NRXN3: variants seen among roughly 807,000 people sequenced by gnomAD.
NRXN3 encodes the protein neurexin 3, also known as neurexin III.
NRXN3 carries 32 observed loss-of-function variants against 137.6 expected under a neutral mutation model. That is an observed-to-expected ratio of 0.23 (90% confidence interval 0.18 to 0.31). The LOEUF (loss-of-function observed/expected upper bound fraction) is 0.31, where lower values mean the gene tolerates loss of function less well. Ranked by LOEUF, NRXN3 falls within the 10% of genes least tolerant of loss-of-function variation. The probability of loss-of-function intolerance (pLI) is 1.00; values close to 1 mark genes in which losing one functional copy is unlikely to be tolerated. For synonymous variants in NRXN3, 798 were observed against 784.5 expected, an observed-to-expected ratio of 1.02 and a Z score of -0.29; for missense variants, 1,574 against 2,062.5, an observed-to-expected ratio of 0.76 and a Z score of 4.59.
intron 10 of NRXN3, among the ~76,000 whole-genome samples, chr14:78,929,492 A>T (rs891208533): frequency 6.6e-6 from 1 of 152,202 alleles, no homozygotes; most frequent in African/African-American, 2.4e-5. Context: ...TTTGCTAAGG[A>T]TAATGGCCTC....
At chr14:79,377,991 T>C (rs2094354545) in intron 15 of NRXN3, among the ~76,000 whole-genome samples, 1 of 152,136 alleles carries the variant, frequency 6.6e-6, no homozygotes, top group Non-Finnish European at 1.5e-5. Context: ...CTTGAGTGGG[T>C]GCTTGATAGA....
intron 8 of NRXN3, among the ~76,000 whole-genome samples, chr14:78,729,455 T>C (rs1374670826): frequency 1.3e-5 from 2 of 152,144 alleles, no homozygotes; most frequent in South Asian, 2.1e-4. Context: ...GAGAAATACA[T>C]TGGGATGGAA....
chr14:79,511,113 A>C (rs999662876), intron 16 of NRXN3, among the ~76,000 whole-genome samples: 1 of 152,204 alleles, frequency 6.6e-6, no homozygotes, highest in African/African-American at 2.4e-5. Context: ...GACAAACAGG[A>C]AAAACGGACC....
intron 4 of NRXN3, among the ~76,000 whole-genome samples, chr14:78,486,928 C>T (rs1366685231): frequency 3.3e-5 from 5 of 152,094 alleles, no homozygotes; most frequent in Non-Finnish European, 7.4e-5. Flanking sequence ...GTGTGCAGAC[C>T]TCAAGATTAC....
At chr14:78,745,062 A>G (rs2098600945) in intron 8 of NRXN3, 1 of 152,258 alleles carries the variant, frequency 6.6e-6, no homozygotes, top group African/African-American at 2.4e-5. Context: ...TTACTAATGT[A>G]GAATAAGAAA....
At chr14:79,721,589 A>G (rs2098844854) in intron 19 of NRXN3, among the ~76,000 whole-genome samples, 1 of 152,146 alleles carries the variant, frequency 6.6e-6, no homozygotes, top group African/African-American at 2.4e-5. Flanking sequence ...TGACTTCGGA[A>G]AAAAGATTAA....
intron 15 of NRXN3, among the ~76,000 whole-genome samples, chr14:79,119,041 C>T (rs1042093299): frequency 6.6e-6 from 1 of 152,138 alleles, no homozygotes; most frequent in Non-Finnish European, 1.5e-5. Context: ...AAGACCAAAA[C>T]TTTTAAAACC....
rs144301088 is a variant in NRXN3, at chr14:78,800,653, A to G, written c.2045-2967A>G. On this transcript the variant is annotated intron_variant, in intron 8 of 20. Coordinates refer to ENST00000335750, the MANE Select transcript of NRXN3 (RefSeq NM_001330195.2). Reference sequence around the variant, plus strand: ...GATGGCTGATTTTCAGGACTATCATAAGTGCATTTATATTACTTTTCATCT... The same window carrying G: ...GATGGCTGATTTTCAGGACTATCATGAGTGCATTTATATTACTTTTCATCT... 5.9e-5 allele frequency among the ~76,000 whole-genome samples: 9 copies of G among 152,306 alleles called. No homozygotes were observed. The East Asian group carries it at 1.2e-3, about 20-fold the overall frequency.
intron 8 of NRXN3, among the ~76,000 whole-genome samples, chr14:78,734,191 C>T (rs181398557): frequency 5.2e-4 from 77 of 146,680 alleles, no homozygotes; most frequent in African/African-American, 1.6e-3. Context: ...GCCAAACACA[C>T]GTATCTGCAT....
At chr14:78,736,323 G>T (rs1337757391) in intron 8 of NRXN3, among the ~76,000 whole-genome samples, 1 of 152,082 alleles carries the variant, frequency 6.6e-6, no homozygotes, top group Non-Finnish European at 1.5e-5. Flanking sequence ...AGGCAGAATT[G>T]GTTTGAAAGC....
chr14:78,542,115 G>C (rs2096595540), intron 4 of NRXN3, among the ~76,000 whole-genome samples: 1 of 152,228 alleles, frequency 6.6e-6, no homozygotes, highest in African/African-American at 2.4e-5. Flanking sequence ...TCCCAGTTAG[G>C]CTACACGGGG....
chr14:78,434,463 A>T (rs567876612), intron 4 of NRXN3, among the ~76,000 whole-genome samples: 311 of 152,274 alleles, frequency 2.0e-3, no homozygotes, highest in African/African-American at 7.2e-3. Flanking sequence ...ATCTGTTACC[A>T]TGTTTCCAAG....
chr14:78,582,022 A>G (rs2097003598), intron 4 of NRXN3, among the ~76,000 whole-genome samples: 1 of 152,194 alleles, frequency 6.6e-6, no homozygotes, highest in Non-Finnish European at 1.5e-5. Context: ...TAATTTTCGC[A>G]TCATCCTGCT....
chr14:78,556,775 CCATCAAGAAAT>C (rs796567288), intron 4 of NRXN3, among the ~76,000 whole-genome samples: 11 of 152,130 alleles, frequency 7.2e-5, no homozygotes, highest in African/African-American at 2.6e-4. Context: ...TTTTTGTAGA[CCATCAAGAAAT>C]AGCATTGTGA....
intron 16 of NRXN3, among the ~76,000 whole-genome samples, chr14:79,574,055 A>T (rs2097641005): frequency 6.6e-6 from 1 of 152,154 alleles, no homozygotes; most frequent in Admixed American, 6.5e-5. Context: ...AAGGAAAAAC[A>T]TAAAAGCAAT....
At chr14:79,808,240 T>TAA (rs35474581) in intron 20 of NRXN3, among the ~76,000 whole-genome samples, 5 of 124,228 alleles carry the variant, frequency 4.0e-5, no homozygotes, top group East Asian at 5.0e-4. Flanking sequence ...CTCTCTCAAT[T>TAA]AAAAAAAAAA....
chr14:79,392,797 C>G (rs1355202228), intron 15 of NRXN3, among the ~76,000 whole-genome samples: 1 of 151,802 alleles, frequency 6.6e-6, no homozygotes, highest in Non-Finnish European at 1.5e-5. Context: ...TGATGAAACC[C>G]TGTCTTTACT....
intron 4 of NRXN3, among the ~76,000 whole-genome samples, chr14:78,493,390 G>A (rs529629568): frequency 6.6e-6 from 1 of 151,676 alleles, no homozygotes; most frequent in South Asian, 2.1e-4. Flanking sequence ...AGGCATGGTG[G>A]CACGTGCCTA....
intron 5 of NRXN3, among the ~76,000 whole-genome samples, chr14:78,650,084 T>C (rs1339284958): frequency 1.3e-5 from 2 of 152,100 alleles, no homozygotes; most frequent in African/African-American, 4.8e-5. Context: ...GTTTGGACTT[T>C]TTCTTTTCTT....
Sources: gnomAD v4.1 joint callset for allele counts (sites outside exome capture counted in the v4.1 genomes callset) on GRCh38, gnomAD v4.1.1 for gene constraint, MANE v1.5 for transcripts, NCBI Gene and HGNC (gene_info 2026-07-23, HGNC 2026-07-21) for gene names.